Variants in LYRM4 observed in about 807,000 individuals in gnomAD.
LYRM4 encodes the protein LYR motif containing 4.
A neutral mutation model predicts 11.7 loss-of-function variants in LYRM4; 9 were observed. That is an observed-to-expected ratio of 0.77 (90% CI 0.46 to 1.34). LYRM4 has a LOEUF of 1.34. Among genes scored for constraint, LYRM4 ranks in the 40% most tolerant of loss-of-function variants. The pLI is 0.00. For missense variants in LYRM4, 133 were observed against 112.5 expected, an observed-to-expected ratio of 1.18 and a Z score of -0.82; for synonymous variants, 42 against 40.4, an observed-to-expected ratio of 1.04 and a Z score of -0.15.
chr6:5,080,659 A>T, the LYRM4 span, among the ~76,000 whole-genome samples: 3 of 152,328 alleles, frequency 2.0e-5, no homozygotes, highest in Non-Finnish European at 4.4e-5. Flanking sequence ...TTTATGCTTA[A>T]AAGGCAGTGC....
chr6:5,068,315 G>A, the LYRM4 span, among the ~76,000 whole-genome samples: 1 of 152,212 alleles, frequency 6.6e-6, no homozygotes, highest in African/African-American at 2.4e-5. The surrounding 1 kb of genome is among the most constrained non-coding windows in gnomAD (Gnocchi z 4.0). Context: ...GCAGCAGCCA[G>A]CCAGACACAG....
chr6:5,204,345 C>T (rs926721837), intron 2 of LYRM4, among the ~76,000 whole-genome samples: 3 of 152,222 alleles, frequency 2.0e-5, no homozygotes, highest in South Asian at 4.1e-4. Flanking sequence ...AGGGATATGC[C>T]CACTTCCTCA....
chr6:5,238,742 C>T (rs1763693225), intron 1 of LYRM4, among the ~76,000 whole-genome samples: 1 of 152,142 alleles, frequency 6.6e-6, no homozygotes, highest in South Asian at 2.1e-4. Flanking sequence ...CAAATTTTGA[C>T]CCAGGGTCAG....
intron 1 of LYRM4, among the ~76,000 whole-genome samples, chr6:5,224,094 C>T (rs60890075): frequency 0.049 from 7,475 of 152,268 alleles, 600 homozygotes; most frequent in African/African-American, 0.16. Flanking sequence ...ACACATGGAG[C>T]GTCCTTTTCC....
intron 2 of LYRM4, among the ~76,000 whole-genome samples, chr6:5,125,468 A>T (rs1763658305): frequency 6.6e-6 from 1 of 152,180 alleles, no homozygotes; most frequent in African/African-American, 2.4e-5. Context: ...GCCTGTTCCC[A>T]GTGCCTCGCG....
the LYRM4 span, among the ~76,000 whole-genome samples, chr6:5,048,262 C>G: frequency 6.6e-6 from 1 of 150,684 alleles, no homozygotes; most frequent in African/African-American, 2.4e-5. Flanking sequence ...GGCAACATTA[C>G]ATTTAAAGAC....
chr6:5,198,631 C>T (rs145055793), intron 2 of LYRM4, among the ~76,000 whole-genome samples: 32 of 152,316 alleles, frequency 2.1e-4, no homozygotes, highest in African/African-American at 7.2e-4. Context: ...GCTATCTAAA[C>T]CTCATTGCCC....
In LYRM4 at chr6:5,108,724, A is replaced by T. The variant is rs1313159930; in HGVS notation, c.*699T>A. On this transcript the variant is annotated 3_prime_UTR_variant, in exon 3 of 3. Transcript: ENST00000330636. The stretch of plus-strand genomic sequence containing the variant: ...GCTTGGGTCAGGCTGGGGCTCTCTC[A>T]TTCACCAGGTGTGGGGAGGGGCTTG... 10 of 944,606 alleles carry T rather than the reference A, an allele frequency of 1.1e-5. No individual in the cohort carries two copies. The highest frequency in any genetic ancestry group is 3.5e-5 in the African/African-American group (2 of 56,408). 58.5% of individuals were successfully genotyped at this position (944,606 alleles called of 1,614,324 possible). A position where few individuals can be genotyped will look rare whatever the true frequency, so the allele number is the denominator to read the frequency against.
intron 2 of LYRM4, among the ~76,000 whole-genome samples, chr6:5,114,906 A>G (rs1763051338): frequency 6.6e-6 from 1 of 152,188 alleles, no homozygotes; most frequent in Non-Finnish European, 1.5e-5. Context: ...GGCTATTAAT[A>G]GTTTGGTATT....
chr6:5,136,704 G>A (rs1757119177), intron 2 of LYRM4: 2 of 985,432 alleles, frequency 2.0e-6, no homozygotes, highest in Non-Finnish European at 1.2e-6. Context: ...GCCACAGTCT[G>A]TGGTAATGAC....
At position 5,109,355 on chromosome 6, in the gene LYRM4, C is replaced by G; in HGVS notation, c.*68G>C. On this transcript the variant is annotated 3_prime_UTR_variant, in exon 3 of 3. Coordinates refer to ENST00000330636, the MANE Select transcript of LYRM4 (RefSeq NM_020408.6). ...TATTGTAAGCTGGTTTTGGGAGCCC[C>G]CATCTCAAACAGAGAGTGGATGCTG... 6.2e-7 allele frequency: 1 copy of G among 1,605,748 alleles called. No homozygotes were observed. The highest frequency in any genetic ancestry group is 1.3e-5 in the African/African-American group (1 of 74,902).
chr6:5,042,305 A>G, the LYRM4 span, among the ~76,000 whole-genome samples: 2 of 152,182 alleles, frequency 1.3e-5, no homozygotes, highest in African/African-American at 4.8e-5. Flanking sequence ...TGTTTAAAAA[A>G]ATAAAAACTG....
intron 2 of LYRM4, chr6:5,133,018 G>A (rs925801971): frequency 4.6e-5 from 7 of 152,272 alleles, no homozygotes; most frequent in African/African-American, 1.7e-4. Context: ...GATGACTAGA[G>A]AAGGTTCGCC....
intron 1 of LYRM4, among the ~76,000 whole-genome samples, chr6:5,239,715 G>T (rs970997774): frequency 6.6e-6 from 1 of 152,138 alleles, no homozygotes; most frequent in African/African-American, 2.4e-5. Context: ...GCTGACAGCC[G>T]GGAGAGTGCA....
chr6:5,106,435 C>A, downstream of LYRM4: 1 of 152,388 alleles, frequency 6.6e-6, no homozygotes, highest in Non-Finnish European at 1.5e-5. Context: ...TAGGCTTCAC[C>A]CTCTGCCTGT....
the LYRM4 span, among the ~76,000 whole-genome samples, chr6:5,035,080 G>A: frequency 6.6e-5 from 10 of 152,042 alleles, no homozygotes; most frequent in Non-Finnish European, 1.5e-4. Context: ...AACACAAATG[G>A]TGTTTCAGCT....
intron 1 of LYRM4, among the ~76,000 whole-genome samples, chr6:5,255,404 A>G (rs1318123472): frequency 6.6e-6 from 1 of 152,198 alleles, no homozygotes; most frequent in Non-Finnish European, 1.5e-5. Flanking sequence ...CAAACTATCA[A>G]TCTGCTGATT....
the LYRM4 span, chr6:5,034,753 C>CTTTTTTTTTTTTTTTTTTTTTTTT: frequency 7.7e-4 from 72 of 93,876 alleles, 9 homozygotes; most frequent in African/African-American, 3.5e-3. Context: ...TACAGCAATG[C>CTTTTTTTTTTTTTTTTTTTTTTTT]TTTTTTTTTT....
intron 1 of LYRM4, among the ~76,000 whole-genome samples, chr6:5,222,764 G>GA (rs56295961): frequency 0.9 from 126,520 of 139,942 alleles, 57,862 homozygotes; most frequent in Non-Finnish European, 0.98. Context: ...AGCAAAACAA[G>GA]AAAAAAAAAA....
Sources: allele counts gnomAD v4.1 joint callset (sites outside exome capture counted in the v4.1 genomes callset), GRCh38; gene constraint gnomAD v4.1.1; non-coding constraint Gnocchi (gnomAD v3.1); transcripts MANE v1.5; gene names NCBI Gene and HGNC (gene_info 2026-07-23, HGNC 2026-07-21).